Variants in NTPCR observed in about 807,000 individuals in gnomAD.
NTPCR encodes cancer-related nucleoside-triphosphatase.
In NTPCR, 15 loss-of-function variants were observed where a neutral mutation model predicts 19.5. The observed-to-expected ratio is 0.77, with a 90% CI of 0.51 to 1.18. The LOEUF is 1.18. Ranked by LOEUF, NTPCR falls within the 50% of genes most tolerant of loss-of-function variation. The pLI, the probability that NTPCR is intolerant of heterozygous loss-of-function variation, is 0.00. For synonymous variants in NTPCR, 90 were observed against 95.8 expected, an observed-to-expected ratio of 0.94 and a Z score of 0.36; for missense variants, 206 against 240.4, an observed-to-expected ratio of 0.86 and a Z score of 0.95.
intron 4 of NTPCR, among the ~76,000 whole-genome samples, chr1:232,973,772 G>C (rs1669052770): frequency 6.6e-6 from 1 of 152,158 alleles, no homozygotes; most frequent in African/African-American, 2.4e-5. Context: ...CTATACAATA[G>C]CCAATAAAAA....
intron 4 of NTPCR, chr1:232,976,416 C>A: frequency 6.4e-7 from 1 of 1,550,600 alleles, no homozygotes; most frequent in Non-Finnish European, 8.7e-7. Context: ...CAGAGCCTGG[C>A]TGGAGGCAGA....
At chr1:232,957,102 C>T (rs1464508402) in intron 3 of NTPCR, among the ~76,000 whole-genome samples, 4 of 152,078 alleles carry the variant, frequency 2.6e-5, no homozygotes, top group Non-Finnish European at 5.9e-5. Context: ...TTTACTCAGG[C>T]GTATTTTGTT....
At chr1:232,950,839 C>T in intron 1 of NTPCR, 95 bp downstream of exon 1, 4 of 783,694 alleles carry the variant, frequency 5.1e-6, no homozygotes, top group Non-Finnish European at 8.1e-6. Context: ...GTCTCCGGCT[C>T]CAGGGCTCCG....
At chr1:232,960,114 T>G (rs1668628893) in intron 3 of NTPCR, among the ~76,000 whole-genome samples, 3 of 145,106 alleles carry the variant, frequency 2.1e-5, no homozygotes, top group Admixed American at 7.3e-5. Flanking sequence ...CTCAGGAGGC[T>G]GAAGCAGGAG....
At chr1:232,964,132 A>G (rs1668746999) in intron 3 of NTPCR, 1 of 152,222 alleles carries the variant, frequency 6.6e-6, no homozygotes, top group Admixed American at 6.5e-5. Flanking sequence ...TAGTTGTCAC[A>G]TCTCCATAGC....
chr1:232,981,392 T>C lies in NTPCR; in HGVS notation c.*3161T>C, dbSNP rs925670704. The C allele has an allele frequency of 1.3e-5, 2 of 152,340 alleles. No homozygotes were observed. Among genetic ancestry groups the C allele is most frequent in the South Asian group, 2.1e-4 (1 of 4,824 alleles). 9.4% of individuals were successfully genotyped at this position (152,340 alleles called of 1,614,324 possible). ...CTTTTCCTGCCAATTACCGTATTCA[T>C]AGAAGGTTGTGTCTGTGGATCACAC... On this transcript the variant is annotated 3_prime_UTR_variant, in exon 5 of 5. Transcript: ENST00000366628.
intron 4 of NTPCR, among the ~76,000 whole-genome samples, chr1:232,970,832 T>G (rs1179170814): frequency 6.6e-6 from 1 of 152,240 alleles, no homozygotes; most frequent in African/African-American, 2.4e-5. Context: ...CACTAGTGCA[T>G]CTGTAGGATG....
intron 3 of NTPCR, chr1:232,964,813 C>T (rs1251121983): frequency 3.9e-5 from 6 of 152,108 alleles, no homozygotes; most frequent in African/African-American, 9.7e-5. Flanking sequence ...CTAATGAAAA[C>T]GGTATCAGGT....
At chr1:232,953,812 T>G (rs1453634011) in intron 1 of NTPCR, among the ~76,000 whole-genome samples, 3 of 152,180 alleles carry the variant, frequency 2.0e-5, no homozygotes, top group Non-Finnish European at 4.4e-5. Flanking sequence ...TTTCATACAT[T>G]GTGGTCTATT....
chr1:232,955,053 A>T (rs1163319464), intron 1 of NTPCR, among the ~76,000 whole-genome samples: 1 of 152,252 alleles, frequency 6.6e-6, no homozygotes, highest in Non-Finnish European at 1.5e-5. Flanking sequence ...ACACATTTTC[A>T]GGAGTTACAA....
At chr1:232,977,835 G>C (rs758724156) in intron 4 of NTPCR, among the ~76,000 whole-genome samples, 2 of 152,140 alleles carry the variant, frequency 1.3e-5, no homozygotes, top group East Asian at 1.9e-4. Flanking sequence ...AGGACAGGTC[G>C]TGCTCAGGGG....
At chr1:232,969,251 A>G (rs1033546570) in intron 3 of NTPCR, 2 of 152,634 alleles carry the variant, frequency 1.3e-5, no homozygotes, top group Non-Finnish European at 2.9e-5. Flanking sequence ...GTATCCTCAC[A>G]GCATAGCACT....
Position 232,950,758 on chromosome 1 carries a change from GA to G in NTPCR, c.34+15del, listed in dbSNP as rs762600340. ...CGGGGCCCCCAGGTAACCCTGAGGG[GA>G]TCCCCACCTCCAAGAGGTCGAGGGG... is the stretch of plus-strand genomic sequence containing the variant. On this transcript the variant is annotated intron_variant, in intron 1 of 4. Coordinates refer to ENST00000366628, the MANE Select transcript of NTPCR (RefSeq NM_032324.3). 6 of 1,583,508 alleles carry G rather than the reference GA, an allele frequency of 3.8e-6. No homozygotes were observed. The South Asian group carries it at 4.5e-5, about 12-fold the overall frequency.
chr1:232,955,803 A>G (rs1284933266), intron 2 of NTPCR, 84 bp downstream of exon 2: 3 of 1,357,108 alleles, frequency 2.2e-6, no homozygotes, highest in African/African-American at 1.4e-5. Flanking sequence ...CAAGAGCTAA[A>G]TTCACCAAAA....
intron 4 of NTPCR, among the ~76,000 whole-genome samples, chr1:232,973,510 A>C (rs1669042345): frequency 6.6e-6 from 1 of 152,242 alleles, no homozygotes; most frequent in Non-Finnish European, 1.5e-5. Flanking sequence ...CACAACAGAC[A>C]CAACTGAAAA....
chr1:232,953,757 T>G (rs1181619728), intron 1 of NTPCR, among the ~76,000 whole-genome samples: 2 of 152,166 alleles, frequency 1.3e-5, no homozygotes, highest in Non-Finnish European at 2.9e-5. Flanking sequence ...AAAAAAAACA[T>G]AATGGAATGG....
In NTPCR at chr1:232,955,617, C is replaced by T. The variant is rs1238120565; in HGVS notation, c.95C>T (p.Pro32Leu). The change falls in exon 2 of 5, where the codon CCT becomes CTT. Residue 32 changes from proline (P) to leucine (L), a missense_variant. Pro to Leu is a moderately conservative substitution (Grantham distance 98, BLOSUM62 -3). Coordinates refer to ENST00000366628, the MANE Select transcript of NTPCR (RefSeq NM_032324.3). ...GAGGTTTTAAAATCCTCTGGTGTGC[C>T]TGTTGATGGATTTTATACCGAAGAA... ...ASEVLKSSGV[P>L]VDGFYTEEVR... The T allele has an allele frequency of 6.8e-6, 11 of 1,611,540 alleles. No homozygotes were observed. The highest frequency in any genetic ancestry group is 1.3e-5 in the African/African-American group (1 of 74,200).
chr1:232,950,995 G>A (rs1390496235), intron 1 of NTPCR: 2 of 457,112 alleles, frequency 4.4e-6, no homozygotes, highest in South Asian at 3.7e-5. Flanking sequence ...TTGATGAAGG[G>A]CAGAAACCGC....
rs986468636 is a variant in NTPCR at position 232,956,358 on chromosome 1, C to T, written c.209C>T (p.Pro70Leu). The change falls in exon 3 of 5, where the codon CCA (proline) becomes CTA (leucine). Residue 70 changes from proline to leucine, a missense_variant. Physicochemically the swap from Pro to Leu is moderately conservative, Grantham distance 98. Coordinates refer to ENST00000366628, the MANE Select transcript of NTPCR (RefSeq NM_032324.3). ...GTCTTTTCCTTCAGGTTAGAGCCTC[C>T]ACCTGGAAAACGTGAATGCCGAGTT... ...GPLSRVGLEP[P>L]PGKRECRVGQ... 4.3e-6 allele frequency: 7 copies of T among 1,613,130 alleles called. No homozygotes were observed. Among genetic ancestry groups the T allele is most frequent in the African/African-American group, 2.7e-5 (2 of 74,886 alleles).
Sources: allele counts gnomAD v4.1 joint callset (sites outside exome capture counted in the v4.1 genomes callset), GRCh38; gene constraint gnomAD v4.1.1; transcripts MANE v1.5; gene names NCBI Gene and HGNC (gene_info 2026-07-23, HGNC 2026-07-21).